The following FAF2 variants were observed in gnomAD, a reference collection of about 807,000 sequenced individuals.
FAF2 encodes Fas associated factor family member 2, also known as FAS-associated factor 2.
A neutral mutation model predicts 62.3 loss-of-function variants in FAF2; 9 were observed. The observed-to-expected ratio is 0.14, with a 90% CI of 0.09 to 0.25. The LOEUF (loss-of-function observed/expected upper bound fraction) is 0.25. FAF2 is among the 10% of genes least tolerant of loss of function. The probability of loss-of-function intolerance (pLI) is 1.00; values close to 1 mark genes in which losing one functional copy is unlikely to be tolerated. For missense variants in FAF2, 368 were observed against 556.2 expected, an observed-to-expected ratio of 0.66 and a Z score of 3.40; for synonymous variants, 202 against 198.0, an observed-to-expected ratio of 1.02 and a Z score of -0.17.
At position 176,471,411 on chromosome 5, in the gene FAF2, T is replaced by C. The variant is rs952569656; in HGVS notation, c.64-7777T>C. On this transcript the variant is annotated intron_variant, in intron 1 of 10. Transcript: ENST00000261942. Reference sequence around the variant, plus strand: ...TTTTTTTTTTTTTTGAGACAGAGTTTTGCTCTTGTTGCCCAGGCTGGAGTG... The same window carrying C: ...TTTTTTTTTTTTTTGAGACAGAGTTCTGCTCTTGTTGCCCAGGCTGGAGTG... Among the ~76,000 whole-genome samples, 150 of 144,748 alleles carry C rather than the reference T, an allele frequency of 1.0e-3. 1 individual carries two copies. Among genetic ancestry groups the C allele is most frequent in the Non-Finnish European group, 2.1e-4 (14 of 66,868 alleles). 95.0% of individuals were successfully genotyped at this position (144,748 alleles called of 152,430 possible).
rs376778185 is a variant in FAF2, at chr5:176,456,487, G to C, written c.63+8017G>C. 9.1e-4 allele frequency among the ~76,000 whole-genome samples: 138 copies of C among 152,278 alleles called. 1 individual carries two copies. Among genetic ancestry groups the C allele is most frequent in the African/African-American group, 3.2e-3 (131 of 41,568 alleles). On this transcript the variant is annotated intron_variant, in intron 1 of 10. Coordinates refer to ENST00000261942, the MANE Select transcript of FAF2 (RefSeq NM_014613.3). ...ATGGCATGTAAGCATATGAAAAGATGCTCAAATCTTTAAGGATTTGAGGTC... is the reference window on the plus strand; with the variant it reads ...ATGGCATGTAAGCATATGAAAAGATCCTCAAATCTTTAAGGATTTGAGGTC...
At chr5:176,500,391 G>A (rs1347812575) in intron 10 of FAF2, among the ~76,000 whole-genome samples, 2 of 151,944 alleles carry the variant, frequency 1.3e-5, no homozygotes, top group Non-Finnish European at 2.9e-5. Context: ...ATTATGTTTC[G>A]GCTCTGCTAA....
chr5:176,479,468 C>T (rs1473312638), intron 2 of FAF2, among the ~76,000 whole-genome samples: 1 of 152,096 alleles, frequency 6.6e-6, no homozygotes, highest in African/African-American at 2.4e-5. Flanking sequence ...TGCCCCACCC[C>T]CTACTGTTTG....
intron 1 of FAF2, among the ~76,000 whole-genome samples, chr5:176,469,600 G>A (rs1374915177): frequency 1.3e-5 from 2 of 152,126 alleles, no homozygotes; most frequent in South Asian, 2.1e-4. Flanking sequence ...TAGTCCTTTC[G>A]AAATGCATTT....
At chr5:176,449,029 C>A (rs1408740609) in intron 1 of FAF2, among the ~76,000 whole-genome samples, 2 of 152,220 alleles carry the variant, frequency 1.3e-5, no homozygotes, top group Non-Finnish European at 2.9e-5. Context: ...GGAAACAATG[C>A]AAGATGATAA....
At chr5:176,460,585 G>A (rs1288753353) in intron 1 of FAF2, among the ~76,000 whole-genome samples, 1 of 147,484 alleles carries the variant, frequency 6.8e-6, no homozygotes, top group East Asian at 2.0e-4. Context: ...TCACTTTGTT[G>A]CCTGGGCTAG....
Position 176,448,607 on chromosome 5 carries a change from A to G in FAF2, c.63+137A>G, listed in dbSNP as rs1025923627. ...CCGGCCCCCTCCCCCCCAGACTCCA[A>G]CTGCCCTGATTCCCCCGGCCCCCAA... On this transcript the variant is annotated intron_variant, in intron 1 of 10. Coordinates refer to ENST00000261942, the MANE Select transcript of FAF2 (RefSeq NM_014613.3). 8 of 842,764 alleles carry G rather than the reference A, an allele frequency of 9.5e-6. No homozygotes were observed. In the African/African-American group the frequency reaches 1.4e-4, roughly 15 times the overall value. 52.2% of individuals were successfully genotyped at this position (842,764 alleles called of 1,614,324 possible). A position where few individuals can be genotyped will look rare whatever the true frequency, so the allele number is the denominator to read the frequency against.
intron 4 of FAF2, 111 bp downstream of exon 4, chr5:176,489,138 G>T (rs1212362143): frequency 5.7e-6 from 4 of 703,492 alleles, no homozygotes; most frequent in African/African-American, 1.8e-5. Context: ...TTTGTCATGA[G>T]ATGGAATACA....
At chr5:176,492,591 A>G (rs999528247) in intron 5 of FAF2, among the ~76,000 whole-genome samples, 1 of 152,142 alleles carries the variant, frequency 6.6e-6, no homozygotes, top group Non-Finnish European at 1.5e-5. Context: ...TTCCCTGAAC[A>G]TAGTCTGTAC....
At chr5:176,453,169 T>C (rs1758217594) in intron 1 of FAF2, 3 of 152,198 alleles carry the variant, frequency 2.0e-5, no homozygotes, top group Admixed American at 6.6e-5. Flanking sequence ...CAGACAATTG[T>C]TTTCAGCTAT....
intron 2 of FAF2, among the ~76,000 whole-genome samples, chr5:176,483,649 C>T (rs1758823337): frequency 6.6e-6 from 1 of 152,188 alleles, no homozygotes; most frequent in African/African-American, 2.4e-5. Context: ...CTGAAACCAC[C>T]TGCAGTTTCA....
intron 5 of FAF2, 28 bp from the exon 6 acceptor site, chr5:176,493,971 A>G (rs1393956956): frequency 1.3e-6 from 2 of 1,532,118 alleles, no homozygotes; most frequent in South Asian, 2.3e-5. Context: ...AGTCTTCTTA[A>G]TAGTGAGTGA....
intron 1 of FAF2, among the ~76,000 whole-genome samples, chr5:176,476,027 G>A (rs916657579): frequency 3.9e-5 from 6 of 152,114 alleles, no homozygotes; most frequent in African/African-American, 1.4e-4. Flanking sequence ...AGGCCAAGGC[G>A]GGAGGATCGC....
intron 1 of FAF2, among the ~76,000 whole-genome samples, chr5:176,458,896 C>G (rs1328646487): frequency 6.6e-6 from 1 of 152,034 alleles, no homozygotes; most frequent in Non-Finnish European, 1.5e-5. Flanking sequence ...TTCCCTTGTC[C>G]TGAAATTTCT....
chr5:176,484,481 C>T (rs1581068482), intron 2 of FAF2, among the ~76,000 whole-genome samples: 2 of 152,194 alleles, frequency 1.3e-5, no homozygotes, highest in East Asian at 3.8e-4. Flanking sequence ...TGTGCCATTA[C>T]AGTACTTTTG....
chr5:176,493,411 A>G (rs565984999), intron 5 of FAF2, among the ~76,000 whole-genome samples: 1 of 152,382 alleles, frequency 6.6e-6, no homozygotes, highest in African/African-American at 2.4e-5. Context: ...CAGCAGTCGT[A>G]CAGTGTAATG....
intron 1 of FAF2, among the ~76,000 whole-genome samples, chr5:176,454,577 GAAAAAAAA>G (rs56324116): frequency 8.8e-4 from 84 of 95,282 alleles, no homozygotes; most frequent in African/African-American, 3.4e-3. Flanking sequence ...GATTCTGTCT[GAAAAAAAA>G]AAAAAAAAAA....
rs1755704640 is a variant in FAF2 at position 176,507,387 on chromosome 5, G to A, written c.*437G>A. On this transcript the variant is annotated 3_prime_UTR_variant, in exon 11 of 11. Transcript: ENST00000261942. The stretch of plus-strand genomic sequence containing the variant: ...CATCTCCTGAGGACTTGCTTCTCCT[G>A]CCTCTGGGGAAGAGAGGGAAGAGAA... The A allele has an allele frequency of 6.7e-6, 3 of 444,838 alleles. No individual in the cohort carries two copies. Among genetic ancestry groups the A allele is most frequent in the Admixed American group, 2.4e-5 (1 of 41,124 alleles). 27.6% of individuals were successfully genotyped at this position (444,838 alleles called of 1,614,324 possible). A position where few individuals can be genotyped will look rare whatever the true frequency, so the allele number is the denominator to read the frequency against.
At chr5:176,498,809 A>G in intron 8 of FAF2, 105 bp from the exon 9 acceptor site, 1 of 1,095,500 alleles carries the variant, frequency 9.1e-7, no homozygotes, top group Non-Finnish European at 1.2e-6. Context: ...TGCTAAGAAT[A>G]TCAACATTTT....
Sources: allele counts gnomAD v4.1 joint callset (sites outside exome capture counted in the v4.1 genomes callset), GRCh38; gene constraint gnomAD v4.1.1; transcripts MANE v1.5; gene names NCBI Gene and HGNC (gene_info 2026-07-23, HGNC 2026-07-21).